ENAH: variants seen among roughly 807,000 people sequenced by gnomAD.
ENAH encodes the protein ENAH actin regulator.
In ENAH, 23 loss-of-function variants were observed where a neutral mutation model predicts 78.7. That is an observed-to-expected ratio of 0.29 (90% CI 0.21 to 0.41). ENAH has a LOEUF of 0.41. Among genes scored for constraint, ENAH ranks in the 10% least tolerant of loss-of-function variants. The pLI, the probability that ENAH is intolerant of heterozygous loss-of-function variation, is 1.00. For missense variants in ENAH, 544 were observed against 691.0 expected, an observed-to-expected ratio of 0.79 and a Z score of 2.39; for synonymous variants, 226 against 241.0, an observed-to-expected ratio of 0.94 and a Z score of 0.58.
intron 3 of ENAH, among the ~76,000 whole-genome samples, chr1:225,546,669 G>A (rs1267248112): frequency 6.6e-6 from 1 of 152,178 alleles, no homozygotes; most frequent in African/African-American, 2.4e-5. Flanking sequence ...ATAACAGGTA[G>A]GCCACAGGAT....
intron 2 of ENAH, among the ~76,000 whole-genome samples, chr1:225,563,375 C>T (rs184381781): frequency 1.2e-4 from 18 of 152,244 alleles, no homozygotes; most frequent in Admixed American, 5.9e-4. Flanking sequence ...ACAAGTTTAA[C>T]GGGAATGCTC....
intron 1 of ENAH, among the ~76,000 whole-genome samples, chr1:225,597,180 G>A (rs569041285): frequency 1.8e-4 from 28 of 152,122 alleles, no homozygotes; most frequent in Admixed American, 1.4e-3. Context: ...CTACCCATAG[G>A]AAAATATAAG....
At chr1:225,652,471 A>C in intron 1 of ENAH, 1 of 956,128 alleles carries the variant, frequency 1.0e-6, no homozygotes, top group Non-Finnish European at 1.2e-6. Context: ...AAATGAGAGA[A>C]CGATGAAGCG....
At position 225,514,572 on chromosome 1, in the gene ENAH, A is replaced by C. The variant is rs2096402452; in HGVS notation, c.1218+24T>G. 1.9e-6 allele frequency: 3 copies of C among 1,597,948 alleles called. No individual in the cohort carries two copies. The South Asian group carries it at 3.3e-5, about 18-fold the overall frequency. On this transcript the variant is annotated intron_variant, in intron 7 of 13. Transcript: ENST00000366843. ...TTTAGGAAGAATAAGACATATTAAA[A>C]AAATTTTTCAGAAAGGTATTTACCC...
At chr1:225,550,102 G>T (rs2096634360) in intron 3 of ENAH, among the ~76,000 whole-genome samples, 1 of 152,074 alleles carries the variant, frequency 6.6e-6, no homozygotes, top group Admixed American at 6.6e-5. Flanking sequence ...AAATTCTCAT[G>T]TCCAAGCCAC....
intron 3 of ENAH, chr1:225,530,982 G>T: frequency 2.5e-6 from 1 of 401,534 alleles, no homozygotes. Context: ...CATTCTCTTT[G>T]GGGTAATTAT....
rs368802597 is a variant in ENAH, at chr1:225,547,327, C to T, written c.349+7579G>A. Reference sequence around the variant, plus strand: ...CCTCGTGATCCACCCACCTCAGCCTCCCAAAGTGCTGGGATTACAGATGTT... The same window carrying T: ...CCTCGTGATCCACCCACCTCAGCCTTCCAAAGTGCTGGGATTACAGATGTT... On this transcript the variant is annotated intron_variant, in intron 3 of 13. Coordinates refer to ENST00000366843, the MANE Select transcript of ENAH (RefSeq NM_018212.6). Among the ~76,000 whole-genome samples, 9 of 152,240 alleles carry T rather than the reference C, an allele frequency of 5.9e-5. 1 individual carries two copies. In the East Asian group the frequency reaches 1.7e-3, roughly 29 times the overall value.
intron 1 of ENAH, among the ~76,000 whole-genome samples, chr1:225,575,034 C>T (rs1456519660): frequency 6.6e-6 from 1 of 151,974 alleles, no homozygotes; most frequent in Non-Finnish European, 1.5e-5. Flanking sequence ...GTGTTAAGCA[C>T]TAGACGAGCT....
intron 4 of ENAH, chr1:225,524,628 C>T (rs1459633431): frequency 2.5e-5 from 25 of 985,250 alleles, no homozygotes; most frequent in South Asian, 4.7e-5. Context: ...TTGGTCCATC[C>T]GGCCTCCGAA....
At chr1:225,554,533 A>T (rs1558804534) in intron 3 of ENAH, among the ~76,000 whole-genome samples, 1 of 152,186 alleles carries the variant, frequency 6.6e-6, no homozygotes, top group African/African-American at 2.4e-5. Flanking sequence ...GTGTTTCTTT[A>T]CACAAAGATG....
intron 1 of ENAH, among the ~76,000 whole-genome samples, chr1:225,640,239 GATTC>G (rs1660797309): frequency 6.6e-6 from 1 of 152,110 alleles, no homozygotes; most frequent in Non-Finnish European, 1.5e-5. Context: ...ACCAACACTT[GATTC>G]ATTCTTCTTT....
At chr1:225,573,388 T>C (rs150203870) in intron 1 of ENAH, among the ~76,000 whole-genome samples, 310 of 152,236 alleles carry the variant, frequency 2.0e-3, no homozygotes, top group African/African-American at 7.1e-3. Context: ...CCAGAACTAA[T>C]TGCTCCTTCC....
At chr1:225,638,573 G>T (rs1660470707) in intron 1 of ENAH, among the ~76,000 whole-genome samples, 1 of 152,018 alleles carries the variant, frequency 6.6e-6, no homozygotes, top group Non-Finnish European at 1.5e-5. Context: ...TTTCTTATTG[G>T]GTCATTTTAC....
At chr1:225,513,317 G>T (rs891493747) in intron 7 of ENAH, among the ~76,000 whole-genome samples, 2 of 152,058 alleles carry the variant, frequency 1.3e-5, no homozygotes, top group African/African-American at 4.8e-5. Context: ...TGCATAACTA[G>T]AATCTAATCT....
rs576983164 is a variant in ENAH at position 225,554,175 on chromosome 1, A to C, written c.349+731T>G. ...TAAATATACAATATAGGCAAGAGTA[A>C]TCATATTTGTGTTTTCATGTATAAC... On this transcript the variant is annotated intron_variant, in intron 3 of 13. Coordinates refer to ENST00000366843, the MANE Select transcript of ENAH (RefSeq NM_018212.6). Among the ~76,000 whole-genome samples the C allele has an allele frequency of 2.6e-5, 4 of 152,300 alleles. No individual in the cohort carries two copies. In the South Asian group the frequency reaches 8.3e-4, roughly 32 times the overall value.
intron 1 of ENAH, among the ~76,000 whole-genome samples, chr1:225,626,847 T>C (rs1658034703): frequency 6.6e-6 from 1 of 152,228 alleles, no homozygotes. Context: ...AAGGCACTGA[T>C]ACTAGTGAAA....
chr1:225,496,789 A>C lies in ENAH; in HGVS notation c.*986T>G, dbSNP rs998915047. The C allele has an allele frequency of 6.6e-6, 1 of 152,656 alleles. No homozygotes were observed. The highest frequency in any genetic ancestry group is 2.4e-5 in the African/African-American group (1 of 41,462). The allele number at this position is 152,656 out of a possible 1,614,324, so 9.5% of individuals were successfully genotyped here. On this transcript the variant is annotated 3_prime_UTR_variant, in exon 14 of 14. Coordinates refer to ENST00000366843, the MANE Select transcript of ENAH (RefSeq NM_018212.6). Reference sequence around the variant, plus strand: ...TGCAGAAATCAACTTTAAATAAAAAATTATTCCTCCCCTTCCTCCCACTCC... The same window carrying C: ...TGCAGAAATCAACTTTAAATAAAAACTTATTCCTCCCCTTCCTCCCACTCC...
intron 3 of ENAH, among the ~76,000 whole-genome samples, chr1:225,547,857 C>T (rs2096622260): frequency 6.6e-6 from 1 of 152,138 alleles, no homozygotes; most frequent in Admixed American, 6.5e-5. Flanking sequence ...TGAAAGTCAG[C>T]TTGTCACTAA....
At position 225,490,268 on chromosome 1, in the gene ENAH, C is replaced by A. The variant is rs1487994876; in HGVS notation, c.*7507G>T. ...TCAATAACAATTTTTACCATGTTTTCTTTCAGAAACAAGGACATTTTATGT... is the reference window on the plus strand; with the variant it reads ...TCAATAACAATTTTTACCATGTTTTATTTCAGAAACAAGGACATTTTATGT... On this transcript the variant is annotated 3_prime_UTR_variant, in exon 14 of 14. Transcript: ENST00000366843. The A allele has an allele frequency of 6.6e-6, 1 of 152,148 alleles. No individual in the cohort carries two copies. Among genetic ancestry groups the A allele is most frequent in the Non-Finnish European group, 1.5e-5 (1 of 68,016 alleles). The allele number at this position is 152,148 out of a possible 1,614,324, so 9.4% of individuals were successfully genotyped here. A position where few individuals can be genotyped will look rare whatever the true frequency, so the allele number is the denominator to read the frequency against.
Sources: allele counts gnomAD v4.1 joint callset (sites outside exome capture counted in the v4.1 genomes callset), GRCh38; gene constraint gnomAD v4.1.1; transcripts MANE v1.5; gene names NCBI Gene and HGNC (gene_info 2026-07-23, HGNC 2026-07-21).